NSUN6: variants seen among roughly 807,000 people sequenced by gnomAD.
NSUN6 encodes the protein tRNA (cytosine(72)-C(5))-methyltransferase NSUN6.
In NSUN6, 64 loss-of-function variants were observed where a neutral mutation model predicts 58.0. That is an observed-to-expected ratio of 1.10 (90% CI 0.90 to 1.36). The LOEUF (loss-of-function observed/expected upper bound fraction) is 1.36. Ranked by LOEUF, NSUN6 falls within the 40% of genes most tolerant of loss-of-function variation. The pLI is 0.00. For synonymous variants in NSUN6, 231 were observed against 193.9 expected (o/e 1.19, Z -1.59); for missense variants, 701 against 550.1 (o/e 1.27, Z -2.74).
At chr10:18,637,972 G>A (rs2059272154) in intron 3 of NSUN6, among the ~76,000 whole-genome samples, 2 of 152,154 alleles carry the variant, frequency 1.3e-5, no homozygotes, top group African/African-American at 2.4e-5. Flanking sequence ...TATCAAATTG[G>A]ATGCTCAGAG....
intron 3 of NSUN6, among the ~76,000 whole-genome samples, chr10:18,626,629 G>A (rs1228967293): frequency 3.3e-5 from 5 of 152,114 alleles, no homozygotes; most frequent in African/African-American, 9.7e-5. Flanking sequence ...TTAGCTCAGC[G>A]TGATGCCAGA....
intron 3 of NSUN6, among the ~76,000 whole-genome samples, chr10:18,635,937 T>G (rs1390936977): frequency 6.6e-6 from 1 of 150,422 alleles, no homozygotes; most frequent in African/African-American, 2.4e-5. Context: ...TAAAGTTCAA[T>G]AAGTAAGAAT....
At chr10:18,630,904 G>A (rs1382124433) in intron 3 of NSUN6, among the ~76,000 whole-genome samples, 1 of 152,008 alleles carries the variant, frequency 6.6e-6, no homozygotes, top group Non-Finnish European at 1.5e-5. Context: ...CTCATTTTAT[G>A]AGGCCAGCAT....
rs896540184 is a variant in NSUN6 at position 18,647,333 on chromosome 10, C to T, written c.231+1157G>A. Among the ~76,000 whole-genome samples, 11 of 152,140 alleles carry T rather than the reference C, an allele frequency of 7.2e-5. No homozygotes were observed. In the East Asian group the frequency reaches 2.1e-3, roughly 29 times the overall value. On this transcript the variant is annotated intron_variant, in intron 2 of 10. Coordinates refer to ENST00000377304, the MANE Select transcript of NSUN6 (RefSeq NM_182543.5). The stretch of plus-strand genomic sequence containing the variant: ...AGACACAAATAAGGCAGAAATGAGT[C>T]TGCTGACACCCACGTTACATGTTAC...
chr10:18,651,770 C>A (rs1301089184), upstream of NSUN6: 2 of 985,394 alleles, frequency 2.0e-6, no homozygotes, highest in Admixed American at 1.2e-4. Flanking sequence ...GGCTCTTTCA[C>A]CTGCCTCAGG....
At position 18,630,259 on chromosome 10, in the gene NSUN6, G is replaced by A. The variant is rs577746920; in HGVS notation, c.311+12217C>T. Among the ~76,000 whole-genome samples, 16 of 150,092 alleles carry A rather than the reference G, an allele frequency of 1.1e-4. 1 individual carries two copies. The East Asian group carries it at 1.9e-3, about 18-fold the overall frequency. On this transcript the variant is annotated intron_variant, in intron 3 of 10. Coordinates refer to ENST00000377304, the MANE Select transcript of NSUN6 (RefSeq NM_182543.5). Reference sequence around the variant, plus strand: ...CTCTGGGACACATTCAAAGCAGTATGTAGAGGGAAATTTATAGCACTAAAT... The same window carrying A: ...CTCTGGGACACATTCAAAGCAGTATATAGAGGGAAATTTATAGCACTAAAT...
intron 8 of NSUN6, among the ~76,000 whole-genome samples, chr10:18,584,282 T>G (rs2131097295): frequency 6.6e-6 from 1 of 152,354 alleles, no homozygotes; most frequent in African/African-American, 2.4e-5. Flanking sequence ...AGCCCTGCCC[T>G]CGTTCACTTC....
At chr10:18,652,163 G>A (rs1387692312), upstream of NSUN6, 2 of 985,282 alleles carry the variant, frequency 2.0e-6, no homozygotes, top group Non-Finnish European at 2.4e-6. Context: ...AAGGCTAACT[G>A]CTACTTGTAT....
In NSUN6 at chr10:18,556,815, G is replaced by A. The variant is rs556368287; in HGVS notation, c.923-4844C>T. Among the ~76,000 whole-genome samples the A allele has an allele frequency of 2.0e-5, 3 of 151,048 alleles. No homozygotes were observed. The South Asian group carries it at 6.3e-4, about 32-fold the overall frequency. ...ATGGAATGGAGACTGAACTGAAATG[G>A]AGAGTGGAATGCAATGGAGAATGCA... On this transcript the variant is annotated intron_variant, in intron 8 of 10. Transcript: ENST00000377304.
chr10:18,622,947 G>A (rs889419711), intron 3 of NSUN6, among the ~76,000 whole-genome samples: 1 of 152,186 alleles, frequency 6.6e-6, no homozygotes, highest in Non-Finnish European at 1.5e-5. Context: ...AAGTTCTACT[G>A]ATCCAAATGT....
upstream of NSUN6, chr10:18,652,082 G>A: frequency 1.0e-6 from 1 of 985,322 alleles, no homozygotes; most frequent in Non-Finnish European, 1.2e-6. Flanking sequence ...TGAAAGTTGG[G>A]CTAATGGTCT....
intron 3 of NSUN6, among the ~76,000 whole-genome samples, chr10:18,627,044 T>C (rs750990829): frequency 2.6e-5 from 4 of 152,220 alleles, no homozygotes; most frequent in African/African-American, 7.2e-5. Flanking sequence ...AAAATGCTGG[T>C]TGAGATGTTT....
intron 7 of NSUN6, among the ~76,000 whole-genome samples, chr10:18,589,842 T>G (rs1218901452): frequency 2.0e-5 from 3 of 152,124 alleles, no homozygotes; most frequent in Non-Finnish European, 4.4e-5. Context: ...ATGAAGAAAC[T>G]GCATCAACTA....
chr10:18,602,312 C>T (rs566772273), intron 6 of NSUN6, among the ~76,000 whole-genome samples: 4 of 151,100 alleles, frequency 2.6e-5, no homozygotes, highest in East Asian at 4.0e-4. Context: ...GGCGCAATCT[C>T]GGCTCACTGC....
chr10:18,562,467 G>T (rs1407010941), intron 8 of NSUN6, among the ~76,000 whole-genome samples: 1 of 150,360 alleles, frequency 6.7e-6, no homozygotes, highest in Non-Finnish European at 1.5e-5. Context: ...GGAATGGATT[G>T]CAGAATGGAA....
chr10:18,563,293 C>T (rs1302867889), intron 8 of NSUN6, among the ~76,000 whole-genome samples: 3 of 138,970 alleles, frequency 2.2e-5, no homozygotes, highest in African/African-American at 5.4e-5. Context: ...GGAATGGAAT[C>T]GAGAATGCAG....
At chr10:18,590,812 C>G (rs779788454) in intron 7 of NSUN6, among the ~76,000 whole-genome samples, 2 of 152,144 alleles carry the variant, frequency 1.3e-5, no homozygotes, top group Non-Finnish European at 2.9e-5. Context: ...CTGGAAAGAT[C>G]TGAAATCGAC....
intron 7 of NSUN6, among the ~76,000 whole-genome samples, chr10:18,591,635 T>C (rs1207679540): frequency 6.6e-6 from 1 of 152,182 alleles, no homozygotes; most frequent in Non-Finnish European, 1.5e-5. Context: ...ATTATCTCAA[T>C]AGATACAGAA....
chr10:18,636,382 C>G (rs1467494525), intron 3 of NSUN6, among the ~76,000 whole-genome samples: 1 of 150,510 alleles, frequency 6.6e-6, no homozygotes, highest in Admixed American at 6.6e-5. Context: ...AAAAACTGGC[C>G]GGCCATGGTG....
Sources: gnomAD v4.1 joint callset for allele counts (sites outside exome capture counted in the v4.1 genomes callset) on GRCh38, gnomAD v4.1.1 for gene constraint, MANE v1.5 for transcripts, NCBI Gene and HGNC (gene_info 2026-07-23, HGNC 2026-07-21) for gene names.